Variants in MRTFB observed in about 807,000 individuals in gnomAD.
MRTFB encodes the protein myocardin related transcription factor B.
In MRTFB, 29 loss-of-function variants were observed where a neutral mutation model predicts 104.2. The ratio of observed to expected loss-of-function variants is 0.28; its 90% CI spans 0.21 to 0.38. The LOEUF (loss-of-function observed/expected upper bound fraction) is 0.38, where lower values mean the gene tolerates loss of function less well. Among genes scored for constraint, MRTFB ranks in the 10% least tolerant of loss-of-function variants. The pLI is 1.00. For synonymous variants in MRTFB, 535 were observed against 519.5 expected, an observed-to-expected ratio of 1.03 and a Z score of -0.41; for missense variants, 1,270 against 1,341.6, an observed-to-expected ratio of 0.95 and a Z score of 0.83.
intron 3 of MRTFB, among the ~76,000 whole-genome samples, chr16:14,178,842 T>C (rs1431140712): frequency 6.6e-6 from 1 of 152,030 alleles, no homozygotes; most frequent in Non-Finnish European, 1.5e-5. Context: ...CTCGTCCTCC[T>C]GGGCTCAAGC....
At chr16:14,118,605 C>T (rs942968692) in intron 2 of MRTFB, among the ~76,000 whole-genome samples, 23 of 151,454 alleles carry the variant, frequency 1.5e-4, no homozygotes, top group Non-Finnish European at 3.1e-4. Context: ...AGTTCGAGAC[C>T]GGTCTGGGCA....
intron 2 of MRTFB, among the ~76,000 whole-genome samples, chr16:14,081,319 T>C (rs1596724479): frequency 7.2e-6 from 1 of 139,712 alleles, no homozygotes; most frequent in Non-Finnish European, 1.5e-5. Flanking sequence ...TGAGACAGAG[T>C]TTCACTTTTG....
chr16:14,077,263 A>G (rs538285072), intron 1 of MRTFB, among the ~76,000 whole-genome samples: 4 of 152,262 alleles, frequency 2.6e-5, no homozygotes, highest in Admixed American at 6.5e-5. Flanking sequence ...TGATCCACTT[A>G]GGATTTATTC....
chr16:14,078,448 G>C lies in MRTFB; in HGVS notation c.-128-842G>C, dbSNP rs543378002. ...CCCTCTCCCCCTTTTTTAGAGACGGGGTCTCTCTCATGCAGGCTGGAGTAC... is the reference window on the plus strand; with the variant it reads ...CCCTCTCCCCCTTTTTTAGAGACGGCGTCTCTCTCATGCAGGCTGGAGTAC... On this transcript the variant is annotated intron_variant, in intron 1 of 16. Coordinates refer to ENST00000571589, the MANE Select transcript of MRTFB (RefSeq NM_001308142.2). 1.8e-3 allele frequency among the ~76,000 whole-genome samples: 279 copies of C among 151,946 alleles called. 2 individuals carry two copies. Among genetic ancestry groups the C allele is most frequent in the Non-Finnish European group, 3.0e-3 (207 of 67,980 alleles).
At chr16:14,058,772 G>A in the MRTFB span, among the ~76,000 whole-genome samples, 5 of 130,448 alleles carry the variant, frequency 3.8e-5, no homozygotes, top group East Asian at 2.4e-4. Flanking sequence ...AGGCTGGAGT[G>A]CAGTGGTGAG....
intron 3 of MRTFB, chr16:14,153,222 G>A (rs1267407103): frequency 6.6e-6 from 1 of 152,264 alleles, no homozygotes; most frequent in Non-Finnish European, 1.5e-5. Context: ...AATAAAATGT[G>A]TATGCTGAAA....
intron 2 of MRTFB, among the ~76,000 whole-genome samples, chr16:14,126,801 G>A (rs1003989243): frequency 5.3e-5 from 8 of 152,138 alleles, no homozygotes; most frequent in Admixed American, 4.6e-4. Context: ...TTGAACCCAA[G>A]CAGTCTGACA....
chr16:14,040,764 A>G, the MRTFB span, among the ~76,000 whole-genome samples: 1 of 152,202 alleles, frequency 6.6e-6, no homozygotes, highest in African/African-American at 2.4e-5. Flanking sequence ...CACCCGGCCT[A>G]TTACTAACTC....
chr16:14,011,970 C>T, the MRTFB span, among the ~76,000 whole-genome samples: 4 of 152,250 alleles, frequency 2.6e-5, no homozygotes, highest in African/African-American at 9.6e-5. Context: ...GGATAGAGCA[C>T]TTTCCTTGGC....
intron 15 of MRTFB, among the ~76,000 whole-genome samples, chr16:14,253,510 G>A (rs2043343197): frequency 6.6e-6 from 1 of 152,176 alleles, no homozygotes; most frequent in South Asian, 2.1e-4. Flanking sequence ...AGGAACGTGG[G>A]GCCAAGGGCT....
At chr16:14,077,749 C>T (rs982514360) in intron 1 of MRTFB, among the ~76,000 whole-genome samples, 7 of 152,098 alleles carry the variant, frequency 4.6e-5, no homozygotes, top group South Asian at 2.1e-4. Context: ...TCGCTTAGTG[C>T]CCTTGGTCCA....
At chr16:14,005,497 A>G in the MRTFB span, among the ~76,000 whole-genome samples, 5 of 152,204 alleles carry the variant, frequency 3.3e-5, no homozygotes, top group African/African-American at 1.2e-4. Context: ...TTCAAGGAGC[A>G]GGTGGTATGA....
At chr16:14,251,828 A>G (rs774566871) in intron 13 of MRTFB, 34 bp from the exon 14 acceptor site, 2 of 1,605,686 alleles carry the variant, frequency 1.2e-6, no homozygotes, top group Non-Finnish European at 1.7e-6. Context: ...AAAGCCAAAG[A>G]ACAAATTAAT....
chr16:14,154,402 T>C (rs2038746815), intron 3 of MRTFB, among the ~76,000 whole-genome samples: 1 of 152,176 alleles, frequency 6.6e-6, no homozygotes, highest in Non-Finnish European at 1.5e-5. Context: ...AAAGAAATTT[T>C]AAAAATAAAA....
intron 3 of MRTFB, among the ~76,000 whole-genome samples, chr16:14,160,206 T>C (rs2038980721): frequency 1.3e-5 from 2 of 152,212 alleles, no homozygotes; most frequent in Admixed American, 1.3e-4. Flanking sequence ...TATGTCTTAT[T>C]TAGCATTGCA....
chr16:14,249,895 A>AGTGTG (rs2043183487), intron 13 of MRTFB, among the ~76,000 whole-genome samples: 1 of 152,200 alleles, frequency 6.6e-6, no homozygotes, highest in African/African-American at 2.4e-5. Context: ...GTCTGGGTGA[A>AGTGTG]ACCAGCTTTG....
chr16:13,998,657 G>A, the MRTFB span, among the ~76,000 whole-genome samples: 2 of 150,754 alleles, frequency 1.3e-5, no homozygotes, highest in Non-Finnish European at 3.0e-5. Flanking sequence ...AAGAAGAAGG[G>A]GAAAGAGAAG....
At chr16:14,098,322 C>G (rs777671570) in intron 2 of MRTFB, among the ~76,000 whole-genome samples, 1 of 152,142 alleles carries the variant, frequency 6.6e-6, no homozygotes, top group Non-Finnish European at 1.5e-5. Flanking sequence ...TTGCATTTTC[C>G]TAATGACTAA....
the MRTFB span, among the ~76,000 whole-genome samples, chr16:14,054,116 T>G: frequency 6.6e-6 from 1 of 152,212 alleles, no homozygotes; most frequent in Non-Finnish European, 1.5e-5. Flanking sequence ...ACCAAGCTCT[T>G]TCCTGACTCA....
Sources: gnomAD v4.1 joint callset for allele counts (sites outside exome capture counted in the v4.1 genomes callset) on GRCh38, gnomAD v4.1.1 for gene constraint, MANE v1.5 for transcripts, NCBI Gene and HGNC (gene_info 2026-07-23, HGNC 2026-07-21) for gene names.